The following ATRNL1 variants were observed in gnomAD, a reference collection of about 807,000 sequenced individuals.
The protein encoded by ATRNL1 is attractin-like protein 1.
ATRNL1 carries 95 observed loss-of-function variants against 182.7 expected under a neutral mutation model. That is an observed-to-expected ratio of 0.52 (90% CI 0.44 to 0.62). The LOEUF (loss-of-function observed/expected upper bound fraction) is 0.62. Among genes scored for constraint, ATRNL1 ranks in the 20% least tolerant of loss-of-function variants. The probability of loss-of-function intolerance (pLI) is 0.00; values close to 1 mark genes in which losing one functional copy is unlikely to be tolerated. For missense variants in ATRNL1, 1,471 were observed against 1,679.5 expected, an observed-to-expected ratio of 0.88 and a Z score of 2.17; for synonymous variants, 576 against 568.3, an observed-to-expected ratio of 1.01 and a Z score of -0.19.
intron 24 of ATRNL1, among the ~76,000 whole-genome samples, chr10:115,481,004 T>G (rs1848737793): frequency 6.6e-6 from 1 of 150,860 alleles, no homozygotes; most frequent in Non-Finnish European, 1.5e-5. Flanking sequence ...ATTTTTCATT[T>G]CTTTATATTA....
chr10:115,226,625 A>G (rs1849709332), intron 9 of ATRNL1, among the ~76,000 whole-genome samples: 2 of 152,050 alleles, frequency 1.3e-5, no homozygotes, highest in Admixed American at 6.6e-5. Flanking sequence ...AACCAAAGCA[A>G]TCCTGAACAA....
At chr10:115,206,669 A>G (rs782127377) in intron 8 of ATRNL1, among the ~76,000 whole-genome samples, 2 of 152,098 alleles carry the variant, frequency 1.3e-5, no homozygotes, top group Non-Finnish European at 2.9e-5. Flanking sequence ...ATCTGTATAA[A>G]TCCAAATTCT....
intron 18 of ATRNL1, among the ~76,000 whole-genome samples, chr10:115,325,206 A>G (rs913419565): frequency 1.3e-5 from 2 of 152,150 alleles, no homozygotes; most frequent in Non-Finnish European, 2.9e-5. Flanking sequence ...TTTAAAATTT[A>G]GAGAAAATAG....
intron 3 of ATRNL1, among the ~76,000 whole-genome samples, chr10:115,125,452 A>G (rs1844925904): frequency 6.6e-6 from 1 of 152,092 alleles, no homozygotes; most frequent in Admixed American, 6.6e-5. Context: ...TCTGTAGGCA[A>G]GAGTTTTTAG....
intron 27 of ATRNL1, among the ~76,000 whole-genome samples, chr10:115,770,456 C>T (rs782480691): frequency 2.9e-4 from 44 of 152,058 alleles, no homozygotes; most frequent in Non-Finnish European, 5.0e-4. Flanking sequence ...TAGTTTTAAC[C>T]AATCAGTGAG....
At chr10:115,435,751 T>TGGAA (rs1846376681) in intron 21 of ATRNL1, among the ~76,000 whole-genome samples, 10 of 152,346 alleles carry the variant, frequency 6.6e-5, no homozygotes, top group Admixed American at 4.6e-4. Context: ...ACAAACCTTT[T>TGGAA]GTTTCCATCC....
chr10:115,893,980 T>G (rs1412702310), intron 28 of ATRNL1, among the ~76,000 whole-genome samples: 1 of 151,894 alleles, frequency 6.6e-6, no homozygotes, highest in African/African-American at 2.4e-5. Flanking sequence ...AAAAAAATCT[T>G]AGGAAAGACT....
At chr10:115,653,691 T>C (rs782599334) in intron 26 of ATRNL1, among the ~76,000 whole-genome samples, 1 of 152,226 alleles carries the variant, frequency 6.6e-6, no homozygotes, top group Non-Finnish European at 1.5e-5. Flanking sequence ...ACCTCTGTGA[T>C]GGTCATGCTG....
chr10:115,565,186 A>G (rs1429666867), intron 26 of ATRNL1, among the ~76,000 whole-genome samples: 1 of 152,054 alleles, frequency 6.6e-6, no homozygotes, highest in African/African-American at 2.4e-5. Context: ...ACATGGCTCT[A>G]ACTCAAGTTT....
Position 115,129,543 on chromosome 10 carries a change from T to A in ATRNL1, c.829+8T>A. ...GCAATGATAGTTGGCAAGGTAAGCA[T>A]GTGTGGTGTGATGGCTTTTGAAACA... On this transcript the variant is annotated splice_region_variant and intron_variant, in intron 5 of 28. Transcript: ENST00000355044. 52 of 1,610,606 alleles carry A rather than the reference T, an allele frequency of 3.2e-5. No individual in the cohort carries two copies. Among genetic ancestry groups the A allele is most frequent in the Non-Finnish European group, 4.4e-5 (52 of 1,176,912 alleles).
rs141187757 is a variant in ATRNL1 at position 115,939,552 on chromosome 10, C to T, written c.4019-5106C>T. On this transcript the variant is annotated intron_variant, in intron 28 of 28. Coordinates refer to ENST00000355044, the MANE Select transcript of ATRNL1 (RefSeq NM_207303.4). ...TGTAAATCCTGCTAGCCTGCAGCATCTGTGCATCATCTTTACGTGGTAAAT... is the reference window on the plus strand; with the variant it reads ...TGTAAATCCTGCTAGCCTGCAGCATTTGTGCATCATCTTTACGTGGTAAAT... Among the ~76,000 whole-genome samples, 552 of 152,336 alleles carry T rather than the reference C, an allele frequency of 3.6e-3. 3 individuals are homozygous for T. The highest frequency in any genetic ancestry group is 0.013 in the African/African-American group (537 of 41,576).
intron 26 of ATRNL1, among the ~76,000 whole-genome samples, chr10:115,566,110 T>G (rs1854061698): frequency 1.3e-5 from 2 of 152,072 alleles, no homozygotes; most frequent in Admixed American, 1.3e-4. Context: ...CTTTTTTTTA[T>G]TATTATTGGA....
intron 26 of ATRNL1, among the ~76,000 whole-genome samples, chr10:115,658,565 G>A (rs1860481283): frequency 1.3e-5 from 2 of 152,114 alleles, no homozygotes; most frequent in Admixed American, 6.5e-5. Context: ...CAAATTAGCA[G>A]CATTCTCCAC....
intron 24 of ATRNL1, among the ~76,000 whole-genome samples, chr10:115,480,005 A>T (rs944056773): frequency 2.6e-5 from 4 of 151,322 alleles, no homozygotes; most frequent in Non-Finnish European, 4.4e-5. Context: ...GTCATAATTT[A>T]GATTAGATTT....
intron 20 of ATRNL1, among the ~76,000 whole-genome samples, chr10:115,414,156 T>G (rs1172799983): frequency 1.3e-5 from 2 of 152,056 alleles, no homozygotes; most frequent in Non-Finnish European, 2.9e-5. Flanking sequence ...TCTAAAATAG[T>G]TTCAGATTTA....
intron 24 of ATRNL1, among the ~76,000 whole-genome samples, chr10:115,485,648 C>A (rs1554974983): frequency 6.6e-6 from 1 of 151,848 alleles, no homozygotes; most frequent in Non-Finnish European, 1.5e-5. Flanking sequence ...CCTCAATCAC[C>A]CAACGTCTTT....
intron 9 of ATRNL1, among the ~76,000 whole-genome samples, chr10:115,224,462 A>G (rs754492582): frequency 1.3e-5 from 2 of 152,098 alleles, no homozygotes; most frequent in Non-Finnish European, 2.9e-5. Context: ...GAAAATAAAG[A>G]TATAATAAAG....
intron 26 of ATRNL1, among the ~76,000 whole-genome samples, chr10:115,633,253 A>G (rs1235052552): frequency 6.6e-6 from 1 of 152,152 alleles, no homozygotes; most frequent in African/African-American, 2.4e-5. Context: ...CCCATTATTC[A>G]CTGCAAAAAT....
intron 6 of ATRNL1, among the ~76,000 whole-genome samples, chr10:115,162,418 A>G (rs1478134520): frequency 5.3e-5 from 8 of 151,656 alleles, no homozygotes; most frequent in Non-Finnish European, 7.4e-5. Context: ...TAAGATAGGA[A>G]CTCCTTGAGG....
Sources: gnomAD v4.1 joint callset for allele counts (sites outside exome capture counted in the v4.1 genomes callset) on GRCh38, gnomAD v4.1.1 for gene constraint, MANE v1.5 for transcripts, NCBI Gene and HGNC (gene_info 2026-07-23, HGNC 2026-07-21) for gene names.